Variants in SLC47A1 observed in about 807,000 individuals in gnomAD.
The protein encoded by SLC47A1 is multidrug and toxin extrusion protein 1.
In SLC47A1, 58 loss-of-function variants were observed where a neutral mutation model predicts 65.8. The observed-to-expected ratio is 0.88, with a 90% confidence interval of 0.71 to 1.10. The LOEUF (loss-of-function observed/expected upper bound fraction) is 1.10. SLC47A1 is among the 50% of genes least tolerant of loss of function. The pLI is 0.00. For synonymous variants in SLC47A1, 285 were observed against 295.0 expected, an observed-to-expected ratio of 0.97 and a Z score of 0.35; for missense variants, 706 against 719.2, an observed-to-expected ratio of 0.98 and a Z score of 0.21.
chr17:19,563,967 C>T (rs953203764), intron 12 of SLC47A1, among the ~76,000 whole-genome samples: 4 of 150,716 alleles, frequency 2.7e-5, no homozygotes, highest in South Asian at 2.1e-4. Context: ...CCAGCCTGGG[C>T]GACAGAGCGA....
chr17:19,541,693 T>C (rs1916153351), intron 1 of SLC47A1, among the ~76,000 whole-genome samples: 1 of 152,180 alleles, frequency 6.6e-6, no homozygotes, highest in Non-Finnish European at 1.5e-5. Flanking sequence ...TGCTGGAATG[T>C]GTTCTTGTTG....
intron 2 of SLC47A1, among the ~76,000 whole-genome samples, chr17:19,546,144 CAGG>C (rs1916285318): frequency 6.6e-6 from 1 of 152,110 alleles, no homozygotes; most frequent in African/African-American, 2.4e-5. Flanking sequence ...CACTTGAACC[CAGG>C]AGGTGGAGGT....
chr17:19,542,306 CTTG>C, intron 1 of SLC47A1, 84 bp from the exon 2 acceptor site: 1 of 768,128 alleles, frequency 1.3e-6, no homozygotes, highest in East Asian at 2.8e-5. Flanking sequence ...TCTGACTGGA[CTTG>C]TTGGGTCGGG....
intron 5 of SLC47A1, among the ~76,000 whole-genome samples, chr17:19,550,072 C>G (rs1464450294): frequency 6.6e-6 from 1 of 152,192 alleles, no homozygotes; most frequent in Non-Finnish European, 1.5e-5. Flanking sequence ...TAATGTTTGA[C>G]ACAGCAGTGT....
At chr17:19,536,960 A>G (rs1916003317) in intron 1 of SLC47A1, among the ~76,000 whole-genome samples, 1 of 152,240 alleles carries the variant, frequency 6.6e-6, no homozygotes, top group South Asian at 2.1e-4. Context: ...TTATTTCTCA[A>G]AAGATGCGTC....
At chr17:19,576,439 A>G (rs1371334193) in intron 16 of SLC47A1, among the ~76,000 whole-genome samples, 1 of 145,232 alleles carries the variant, frequency 6.9e-6, no homozygotes, top group Non-Finnish European at 1.5e-5. Context: ...GCACCTCGAT[A>G]TCCTGGGCTC....
chr17:19,534,118 G>C, intron 1 of SLC47A1, 44 bp downstream of exon 1: 1 of 1,473,878 alleles, frequency 6.8e-7, no homozygotes, highest in Non-Finnish European at 9.0e-7. Context: ...CGGCGGGCTG[G>C]GGACCTGGTG....
chr17:19,556,686 G>A (rs1057468188), intron 10 of SLC47A1, among the ~76,000 whole-genome samples: 4 of 151,436 alleles, frequency 2.6e-5, no homozygotes, highest in Non-Finnish European at 2.9e-5. Flanking sequence ...AGCCTCCCAA[G>A]TAGCTGAGAT....
intron 16 of SLC47A1, among the ~76,000 whole-genome samples, chr17:19,575,015 G>T (rs2084428315): frequency 6.6e-6 from 1 of 152,106 alleles, no homozygotes; most frequent in African/African-American, 2.4e-5. Context: ...AAAGCATTTT[G>T]TTAAGTGTGA....
intron 3 of SLC47A1, 90 bp downstream of exon 3, chr17:19,546,593 C>A: frequency 7.8e-7 from 1 of 1,278,266 alleles, no homozygotes; most frequent in Non-Finnish European, 1.1e-6. Flanking sequence ...AAGAGTTCAG[C>A]AGCCAGCACT....
Position 19,560,082 on chromosome 17 carries a change from TAGGACCA to T in SLC47A1, c.922-103_922-97del, listed in dbSNP as rs959156889. The T allele has an allele frequency of 7.8e-6, 6 of 770,160 alleles. No individual in the cohort carries two copies. In the African/African-American group the frequency reaches 1.1e-4, roughly 13 times the overall value. The allele number at this position is 770,160 out of a possible 1,614,324, so 47.7% of individuals were successfully genotyped here. On this transcript the variant is annotated intron_variant, in intron 10 of 16. Coordinates refer to ENST00000270570, the MANE Select transcript of SLC47A1 (RefSeq NM_018242.3). ...TGCAAATCAGTCTTTTCAAAACTTT[TAGGACCA>T]AGTTTTCCCACCAGGTGTGAGGCAT...
chr17:19,565,197 G>A (rs930612763), intron 12 of SLC47A1, among the ~76,000 whole-genome samples: 1 of 152,150 alleles, frequency 6.6e-6, no homozygotes, highest in Non-Finnish European at 1.5e-5. Context: ...CAAGTCTCTA[G>A]CTTTAGGGGT....
chr17:19,554,648 CAG>C (rs1261834466), intron 6 of SLC47A1, among the ~76,000 whole-genome samples: 1 of 152,146 alleles, frequency 6.6e-6, no homozygotes, highest in Non-Finnish European at 1.5e-5. Context: ...CGGGGCAGGA[CAG>C]AGTTTTACTT....
Position 19,577,896 on chromosome 17 carries a change from G to T in SLC47A1, c.*343G>T. On this transcript the variant is annotated 3_prime_UTR_variant, in exon 17 of 17. Transcript: ENST00000270570. ...AACTAACTGCTTAAGAATTCATACT[G>T]CTTGAATTATGTAAAATATATTTTA... is the stretch of plus-strand genomic sequence containing the variant. 1.6e-6 allele frequency: 2 copies of T among 1,237,216 alleles called. No homozygotes were observed. The highest frequency in any genetic ancestry group is 1.6e-5 in the African/African-American group (1 of 64,312). 76.6% of individuals were successfully genotyped at this position (1,237,216 alleles called of 1,614,324 possible). A position where few individuals can be genotyped will look rare whatever the true frequency, so the allele number is the denominator to read the frequency against.
intron 14 of SLC47A1, among the ~76,000 whole-genome samples, chr17:19,569,164 G>C (rs1354462844): frequency 1.3e-5 from 2 of 151,912 alleles, no homozygotes; most frequent in Non-Finnish European, 2.9e-5. Context: ...TTGAGGTTAA[G>C]AGTTTGAGAC....
At chr17:19,577,104 TC>T (rs1172761714) in intron 16 of SLC47A1, among the ~76,000 whole-genome samples, 4 of 152,038 alleles carry the variant, frequency 2.6e-5, no homozygotes, top group African/African-American at 7.2e-5. Flanking sequence ...GGGAGAGTGC[TC>T]CCTGGAGCAC....
chr17:19,561,049 G>C (rs529652012), intron 12 of SLC47A1, among the ~76,000 whole-genome samples: 6 of 152,104 alleles, frequency 3.9e-5, no homozygotes, highest in Non-Finnish European at 8.8e-5. Flanking sequence ...CTGAGGTCAG[G>C]AGTTCGAGAC....
rs533497823 is a variant in SLC47A1 at position 19,547,991 on chromosome 17, G to A, written c.313G>A (p.Gly105Arg). 7 of 1,612,118 alleles carry A rather than the reference G, an allele frequency of 4.3e-6. No homozygotes were observed. The highest frequency in any genetic ancestry group is 1.7e-4 in the Middle Eastern group (1 of 6,060). ...TTGGCTGTGTGCACCCCAGACGTAC[G>A]GGAGCCAGAACCTGAAGCACGTGGG... ...ACDTLISQTYGSQNLKHVGVI... is the reference protein window; with the variant it reads ...ACDTLISQTYRSQNLKHVGVI... Residue 105 changes from glycine (G) to arginine (R), a missense_variant, in exon 4 of 17, where the codon GGG (glycine) becomes AGG (arginine). Physicochemically the swap from Gly to Arg is moderately radical, Grantham distance 125 (BLOSUM62 -2). Transcript: ENST00000270570.
In SLC47A1 at chr17:19,577,325, A is replaced by G; in HGVS notation, c.1487-2A>G. 6.2e-7 allele frequency: 1 copy of G among 1,613,390 alleles called. No individual in the cohort carries two copies. The highest frequency in any genetic ancestry group is 8.5e-7 in the Non-Finnish European group (1 of 1,179,772). On this transcript the variant is annotated splice_acceptor_variant, in intron 16 of 16. Coordinates refer to ENST00000270570, the MANE Select transcript of SLC47A1 (RefSeq NM_018242.3). LOFTEE classifies it high-confidence loss of function. ...AGCTGCTAAGTTCCTTTTTCCTCCC[A>G]GGGTGCCCTGAAAACCTTGAAGGAA...
Sources: allele counts gnomAD v4.1 joint callset (sites outside exome capture counted in the v4.1 genomes callset), GRCh38; gene constraint gnomAD v4.1.1; transcripts MANE v1.5; gene names NCBI Gene and HGNC (gene_info 2026-07-23, HGNC 2026-07-21).